Variants in SLC26A5 observed in about 807,000 individuals in gnomAD.
The protein encoded by SLC26A5 is solute carrier family 26 member 5, also known as prestin.
SLC26A5 carries 51 observed loss-of-function variants against 81.0 expected under a neutral mutation model. The observed-to-expected ratio is 0.63, with a 90% CI of 0.50 to 0.80. The LOEUF is 0.80. Ranked by LOEUF, SLC26A5 falls within the 30% of genes least tolerant of loss-of-function variation. The pLI is 0.00. For synonymous variants in SLC26A5, 325 were observed against 332.8 expected (o/e 0.98, Z 0.25); for missense variants, 771 against 905.8 (o/e 0.85, Z 1.91).
intron 8 of SLC26A5, among the ~76,000 whole-genome samples, 180 bp downstream of exon 8, chr7:103,407,671 T>C (rs1005034670): frequency 1.3e-5 from 2 of 152,234 alleles, no homozygotes; most frequent in Admixed American, 1.3e-4. Flanking sequence ...TCTGTGTCTA[T>C]GTTTTAAGGC....
chr7:103,415,299 C>G (rs566725397), intron 4 of SLC26A5, among the ~76,000 whole-genome samples: 2 of 152,378 alleles, frequency 1.3e-5, no homozygotes, highest in African/African-American at 4.8e-5. Context: ...AGAGCCAGCT[C>G]TTTTCTGCTC....
chr7:103,388,725 G>C (rs755491862), intron 14 of SLC26A5: 1 of 385,668 alleles, frequency 2.6e-6, no homozygotes, highest in Non-Finnish European at 5.0e-6. Flanking sequence ...CACTAGACCA[G>C]GAATGGCAGA....
chr7:103,424,336 C>T (rs1419339816), intron 2 of SLC26A5, among the ~76,000 whole-genome samples: 1 of 152,128 alleles, frequency 6.6e-6, no homozygotes, highest in Non-Finnish European at 1.5e-5. Flanking sequence ...AATCATTGAT[C>T]TCCTCTTCTA....
At chr7:103,365,856 C>T (rs143031624) in intron 19 of SLC26A5, among the ~76,000 whole-genome samples, 390 of 151,516 alleles carry the variant, frequency 2.6e-3, no homozygotes, top group Middle Eastern at 0.014. Flanking sequence ...TGAACCCAGG[C>T]GGCAGAGGTT....
intron 19 of SLC26A5, chr7:103,363,294 T>C: frequency 7.0e-7 from 1 of 1,430,766 alleles, no homozygotes; most frequent in African/African-American, 1.4e-5. Context: ...ATTTGGACAG[T>C]ATCCAAAAAG....
chr7:103,423,097 A>G (rs2116738581), intron 2 of SLC26A5, among the ~76,000 whole-genome samples: 1 of 139,920 alleles, frequency 7.1e-6, no homozygotes, highest in Middle Eastern at 3.5e-3. Context: ...ACCTGCCTCT[A>G]CTAAAAAAAA....
chr7:103,392,400 C>G (rs893686822), intron 10 of SLC26A5, among the ~76,000 whole-genome samples: 4 of 152,062 alleles, frequency 2.6e-5, no homozygotes, highest in African/African-American at 9.7e-5. Context: ...AAAGATAAAC[C>G]TTCCTAGGGA....
intron 1 of SLC26A5, chr7:103,445,093 A>G (rs984725514): frequency 6.6e-5 from 10 of 152,210 alleles, no homozygotes; most frequent in Non-Finnish European, 1.5e-4. Flanking sequence ...TGTGCCCGCA[A>G]AAAGTTGATA....
chr7:103,396,369 C>T (rs965506109), intron 9 of SLC26A5, among the ~76,000 whole-genome samples: 2 of 152,152 alleles, frequency 1.3e-5, no homozygotes, highest in Non-Finnish European at 2.9e-5. Context: ...GACATATTTG[C>T]ACACCCATAT....
intron 8 of SLC26A5, among the ~76,000 whole-genome samples, chr7:103,407,605 C>T (rs1173040474): frequency 6.6e-6 from 1 of 152,044 alleles, no homozygotes; most frequent in Non-Finnish European, 1.5e-5. Flanking sequence ...AATCCCATCA[C>T]TTGTAATTAA....
chr7:103,398,043 T>G, intron 8 of SLC26A5, 29 bp from the exon 9 acceptor site: 2 of 1,563,126 alleles, frequency 1.3e-6, no homozygotes, highest in Non-Finnish European at 1.8e-6. Flanking sequence ...AAATGCACCT[T>G]TAGAGATGAA....
At chr7:103,368,840 A>ATTACT (rs1820863280) in intron 19 of SLC26A5, 2 of 152,196 alleles carry the variant, frequency 1.3e-5, no homozygotes, top group South Asian at 4.1e-4. Flanking sequence ...CATTTTACAA[A>ATTACT]TTACTTTAAA....
intron 13 of SLC26A5, 107 bp from the exon 14 acceptor site, chr7:103,389,221 G>A (rs1411667818): frequency 2.5e-6 from 3 of 1,187,204 alleles, no homozygotes; most frequent in South Asian, 2.4e-5. Flanking sequence ...TTGTCTAACT[G>A]GATACTGCAC....
chr7:103,421,739 C>T (rs1159113970), intron 2 of SLC26A5, among the ~76,000 whole-genome samples, 172 bp from the exon 3 acceptor site: 1 of 152,002 alleles, frequency 6.6e-6, no homozygotes, highest in Non-Finnish European at 1.5e-5. Flanking sequence ...AAATCAAAAT[C>T]AATTAAAAAA....
At chr7:103,437,498 A>T (rs7786063) in intron 2 of SLC26A5, among the ~76,000 whole-genome samples, 59,111 of 152,110 alleles carry the variant, frequency 0.39, 15,578 homozygotes, top group African/African-American at 0.74. Context: ...TTATTACAGC[A>T]TTATTCACAA....
chr7:103,353,878 C>A, intron 19 of SLC26A5: 1 of 1,539,890 alleles, frequency 6.5e-7, no homozygotes, highest in Non-Finnish European at 8.9e-7. Flanking sequence ...AATTTTAATT[C>A]TAGTTTCTTT....
intron 19 of SLC26A5, among the ~76,000 whole-genome samples, chr7:103,365,372 C>T (rs969777167): frequency 2.0e-5 from 3 of 152,178 alleles, no homozygotes; most frequent in African/African-American, 7.2e-5. Flanking sequence ...TGGCTCATGC[C>T]TGTAATCCTA....
intron 19 of SLC26A5, among the ~76,000 whole-genome samples, chr7:103,361,113 CA>C (rs894077630): frequency 7.1e-6 from 1 of 141,314 alleles, no homozygotes; most frequent in African/African-American, 2.6e-5. Flanking sequence ...GACTCTGTCT[CA>C]AAAAAAAGAA....
rs185787469 is a variant in SLC26A5, at chr7:103,424,823, A to G, written c.-53-3256T>C. On this transcript the variant is annotated intron_variant, in intron 2 of 19. Coordinates refer to ENST00000306312, the MANE Select transcript of SLC26A5 (RefSeq NM_198999.3). The stretch of plus-strand genomic sequence containing the variant: ...TGACAAAATGTGGCCAATCACCACA[A>G]TGGTCTGGGGAGGGCTTGAATTACT... 9.9e-4 allele frequency among the ~76,000 whole-genome samples: 150 copies of G among 152,264 alleles called. 1 individual carries two copies. The highest frequency in any genetic ancestry group is 3.3e-3 in the African/African-American group (136 of 41,572).
Sources: gnomAD v4.1 joint callset for allele counts (sites outside exome capture counted in the v4.1 genomes callset) on GRCh38, gnomAD v4.1.1 for gene constraint, MANE v1.5 for transcripts, NCBI Gene and HGNC (gene_info 2026-07-23, HGNC 2026-07-21) for gene names.